The following ZNF548 variants were observed in gnomAD, a reference collection of about 807,000 sequenced individuals.
ZNF548 encodes zinc finger protein 548.
In ZNF548, 10 loss-of-function variants were observed where a neutral mutation model predicts 10.2. The ratio of observed to expected loss-of-function variants is 0.98; its 90% CI spans 0.60 to 1.66. The LOEUF is 1.66. ZNF548 is among the 40% of genes most tolerant of loss of function. The pLI, the probability that ZNF548 is intolerant of heterozygous loss-of-function variation, is 0.00. For synonymous variants in ZNF548, 217 were observed against 223.5 expected, an observed-to-expected ratio of 0.97 and a Z score of 0.26; for missense variants, 599 against 657.0, an observed-to-expected ratio of 0.91 and a Z score of 0.97.
intron 2 of ZNF548, 28 bp from the exon 3 acceptor site, chr19:57,397,020 T>C (rs762888191): frequency 4.4e-6 from 7 of 1,591,428 alleles, no homozygotes; most frequent in East Asian, 2.2e-5. Flanking sequence ...AGAAGCTGCT[T>C]ATGTATTCAT....
chr19:57,396,924 C>G (rs2088669938), intron 2 of ZNF548, 124 bp from the exon 3 acceptor site: 9 of 1,382,294 alleles, frequency 6.5e-6, no homozygotes, highest in Middle Eastern at 4.6e-4. Flanking sequence ...GAGATGGAAA[C>G]ACATTTGGCT....
Position 57,393,521 on chromosome 19 carries a change from G to A in ZNF548, c.16-667G>A, listed in dbSNP as rs111309285. ...ACTAAAAATACAAAATTAGCCGGGT[G>A]TGGTGGCGCATGCCTGTAATCCCAG... On this transcript the variant is annotated intron_variant, in intron 1 of 3. Transcript: ENST00000336128. Among the ~76,000 whole-genome samples, 3 of 151,842 alleles carry A rather than the reference G, an allele frequency of 2.0e-5. 1 individual carries two copies. The highest frequency in any genetic ancestry group is 7.2e-5 in the African/African-American group (3 of 41,384).
intron 1 of ZNF548, 109 bp from the exon 2 acceptor site, chr19:57,394,079 G>A (rs571150285): frequency 3.3e-5 from 40 of 1,197,520 alleles, no homozygotes; most frequent in Admixed American, 8.1e-5. Flanking sequence ...TTTATTCAAT[G>A]AATTGAGATC....
At chr19:57,397,482 T>G in intron 3 of ZNF548, 1 of 404,862 alleles carries the variant, frequency 2.5e-6, no homozygotes, top group Non-Finnish European at 4.4e-6. Flanking sequence ...ACATGAGACC[T>G]GTGTTCTGTT....
In ZNF548 at chr19:57,394,194, C is replaced by T; in HGVS notation, c.22C>T (p.Leu8=). 2 of 1,604,420 alleles carry T rather than the reference C, an allele frequency of 1.2e-6. No individual in the cohort carries two copies. Among genetic ancestry groups the T allele is most frequent in the Non-Finnish European group, 1.7e-6 (2 of 1,179,416 alleles). The change falls in exon 2 of 4, where the codon CTG becomes TTG. Residue 8 remains leucine (L), a synonymous_variant. Transcript: ENST00000336128. ...GGCCTTTCTCTTCCCTCAGGGTCCC[C>T]TGGCGATGGCAGAAATGGACCCTAC... MNLTEGP[L]AMAEMDPTQG...
At chr19:57,397,904 A>G (rs1465722519) in intron 3 of ZNF548, among the ~76,000 whole-genome samples, 1 of 152,158 alleles carries the variant, frequency 6.6e-6, no homozygotes, top group Non-Finnish European at 1.5e-5. Context: ...CTTCCCCATT[A>G]TCATTTCTAG....
intron 2 of ZNF548, among the ~76,000 whole-genome samples, chr19:57,396,387 G>A (rs1435034967): frequency 6.6e-6 from 1 of 152,162 alleles, no homozygotes; most frequent in Non-Finnish European, 1.5e-5. Context: ...TGGACACGGT[G>A]GCCAATGTCA....
Position 57,398,655 on chromosome 19 carries a change from A to G in ZNF548, c.404A>G (p.Lys135Arg). The change falls in exon 4 of 4, where the codon AAG becomes AGG. Residue 135 changes from lysine to arginine, a missense_variant. Transcript: ENST00000336128. Reference protein sequence around the residue: ...ICEAELFQHPKQQIGENLSRG... With the variant: ...ICEAELFQHPRQQIGENLSRG... ...GAGGCAGAGCTTTTTCAGCACCCAA[A>G]GCAGCAAATTGGAGAAAATCTTTCC... is the stretch of plus-strand genomic sequence containing the variant. 1 of 1,614,028 alleles carries G rather than the reference A, an allele frequency of 6.2e-7. No individual in the cohort carries two copies. Among genetic ancestry groups the G allele is most frequent in the Non-Finnish European group, 8.5e-7 (1 of 1,179,904 alleles).
Position 57,394,232 on chromosome 19 carries a change from A to G in ZNF548, c.51+9A>G. On this transcript the variant is annotated intron_variant, in intron 2 of 3. Transcript: ENST00000336128. ...AAATGGACCCTACACAGGTGAGTAG[A>G]GTGTTTCCTACTATTCACCCACCCT... The G allele has an allele frequency of 2.5e-6, 4 of 1,602,062 alleles. No homozygotes were observed. The highest frequency in any genetic ancestry group is 2.5e-6 in the Non-Finnish European group (3 of 1,178,876).
chr19:57,400,121 G>C lies in ZNF548; in HGVS notation c.*232G>C, dbSNP rs2088703423. On this transcript the variant is annotated 3_prime_UTR_variant, in exon 4 of 4. Coordinates refer to ENST00000336128, the MANE Select transcript of ZNF548 (RefSeq NM_001172773.2). ...TATATATTTGTACCTCATATAAGTG[G>C]ATTCTACAGTATTTATCTTTTGAGA... is the stretch of plus-strand genomic sequence containing the variant. The C allele has an allele frequency of 2.2e-6, 1 of 454,340 alleles. No homozygotes were observed. The highest frequency in any genetic ancestry group is 3.9e-6 in the Non-Finnish European group (1 of 258,268). 28.1% of individuals were successfully genotyped at this position (454,340 alleles called of 1,614,324 possible).
intron 3 of ZNF548, 155 bp from the exon 4 acceptor site, chr19:57,398,275 C>T (rs374934673): frequency 1.8e-5 from 26 of 1,443,912 alleles, no homozygotes; most frequent in African/African-American, 1.1e-4. Flanking sequence ...CAGGCCCAGC[C>T]CTGCATAGTG....
In ZNF548 at chr19:57,398,909, T is replaced by C; in HGVS notation, c.658T>C (p.Cys220Arg). The change falls in exon 4 of 4, where the codon TGC (cysteine) becomes CGC (arginine). Residue 220 changes from cysteine to arginine, a missense_variant. Coordinates refer to ENST00000336128, the MANE Select transcript of ZNF548 (RefSeq NM_001172773.2). ...KCSECGKTFT[C>R]SYSFVEHQKI... ...TAGTGAATGTGGGAAAACCTTCACC[T>C]GCAGCTATTCATTTGTTGAGCACCA... is the stretch of plus-strand genomic sequence containing the variant. 6.2e-7 allele frequency: 1 copy of C among 1,614,080 alleles called. No homozygotes were observed. Among genetic ancestry groups the C allele is most frequent in the African/African-American group, 1.3e-5 (1 of 75,060 alleles).
At chr19:57,398,290 C>G in intron 3 of ZNF548, 140 bp from the exon 4 acceptor site, 11 of 1,488,770 alleles carry the variant, frequency 7.4e-6, no homozygotes, top group African/African-American at 1.4e-5. Context: ...ATAGTGGACC[C>G]TCCTCTCACT....
chr19:57,398,020 C>T (rs1044526749), intron 3 of ZNF548, among the ~76,000 whole-genome samples: 2 of 152,206 alleles, frequency 1.3e-5, no homozygotes, highest in African/African-American at 4.8e-5. Context: ...CCTGCCAACA[C>T]GTGGCCTGTA....
At chr19:57,396,805 C>G in intron 2 of ZNF548, 1 of 436,406 alleles carries the variant, frequency 2.3e-6, no homozygotes. Flanking sequence ...AATTCCAGGA[C>G]ACCTGGGCTA....
intron 2 of ZNF548, among the ~76,000 whole-genome samples, chr19:57,394,967 A>T (rs2088654743): frequency 6.6e-6 from 1 of 151,934 alleles, no homozygotes; most frequent in Admixed American, 6.5e-5. Context: ...AGTGAGTGTG[A>T]GGAGTCAGTG....
intron 1 of ZNF548, chr19:57,390,654 AC>A (rs2123035616): frequency 6.5e-6 from 1 of 152,990 alleles, no homozygotes; most frequent in East Asian, 1.9e-4. Flanking sequence ...TTATGTCTGA[AC>A]AAAGGCAGTG....
rs374095687 is a variant in ZNF548 at position 57,399,824 on chromosome 19, T to A, written c.1573T>A (p.Ser525Thr). Residue 525 changes from serine (S) to threonine (T), a missense_variant, in exon 4 of 4, where the codon TCT becomes ACT. Transcript: ENST00000336128. The surrounding 1 kb of genome is among the most constrained non-coding windows in gnomAD (Gnocchi z 4.0). ...RLVCSMNVGN[S>T]LAKTPTSLNI... ...TGTGTGCTCCATGAATGTGGGGAAT[T>A]CTTTAGCTAAAACTCCAACCTCATT... The A allele has an allele frequency of 2.5e-6, 4 of 1,613,766 alleles. No homozygotes were observed. The South Asian group carries it at 4.4e-5, about 18-fold the overall frequency.
intron 3 of ZNF548, 149 bp from the exon 4 acceptor site, chr19:57,398,281 T>C: frequency 6.8e-7 from 1 of 1,469,708 alleles, no homozygotes; most frequent in Non-Finnish European, 9.1e-7. Context: ...CAGCCCTGCA[T>C]AGTGGACCCT....
Sources: gnomAD v4.1 joint callset for allele counts (sites outside exome capture counted in the v4.1 genomes callset) on GRCh38, gnomAD v4.1.1 for gene constraint, Gnocchi (gnomAD v3.1) non-coding constraint, MANE v1.5 for transcripts, NCBI Gene and HGNC (gene_info 2026-07-23, HGNC 2026-07-21) for gene names.